The following KMT2E variants were observed in gnomAD, a reference collection of about 807,000 sequenced individuals.
The protein encoded by KMT2E is lysine methyltransferase 2E (inactive).
In KMT2E, 30 loss-of-function variants were observed where a neutral mutation model predicts 184.6. The ratio of observed to expected loss-of-function variants is 0.16; its 90% CI spans 0.12 to 0.22. The LOEUF is 0.22. Ranked by LOEUF, KMT2E falls within the 10% of genes least tolerant of loss-of-function variation. The probability of loss-of-function intolerance (pLI) is 1.00; values close to 1 mark genes in which losing one functional copy is unlikely to be tolerated. For missense variants in KMT2E, 2,023 were observed against 2,237.4 expected (o/e 0.90, Z 1.93); for synonymous variants, 815 against 776.5 (o/e 1.05, Z -0.82).
At chr7:105,099,724 C>T (rs1798576416) in intron 15 of KMT2E, among the ~76,000 whole-genome samples, 1 of 152,064 alleles carries the variant, frequency 6.6e-6, no homozygotes, top group Non-Finnish European at 1.5e-5. Flanking sequence ...TGATTTTTGC[C>T]AAGACAAGTT....
Position 105,109,050 on chromosome 7 carries a change from A to T in KMT2E, c.3577A>T (p.Ser1193Cys). ...ATCACCCCATGCAAGTGGAAGCTTG[A>T]GCAACAATGGTGATGGCTGTGCCAG... ...SVSPHASGSL[S>C]NNGDGCASSN... is the part of the protein sequence containing the mutation. Residue 1193 changes from serine (S) to cysteine (C), a missense_variant, in exon 23 of 27, where the codon AGC (serine) becomes TGC (cysteine). Physicochemically the swap from Ser to Cys is moderately radical, Grantham distance 112. Transcript: ENST00000311117. 6.2e-7 allele frequency: 1 copy of T among 1,614,216 alleles called. No individual in the cohort carries two copies. The highest frequency in any genetic ancestry group is 1.1e-5 in the South Asian group (1 of 91,084).
chr7:105,109,566 C>A (rs1283146982), intron 23 of KMT2E, among the ~76,000 whole-genome samples: 1 of 152,156 alleles, frequency 6.6e-6, no homozygotes, highest in Non-Finnish European at 1.5e-5. Flanking sequence ...GGAATAGGAG[C>A]AGCTGCATAT....
intron 13 of KMT2E, among the ~76,000 whole-genome samples, chr7:105,088,120 C>T (rs1798059381): frequency 2.0e-5 from 3 of 151,972 alleles, no homozygotes; most frequent in Admixed American, 2.0e-4. Context: ...ATTACATATC[C>T]CATAGAGGTT....
chr7:105,058,696 T>G (rs1344058461), intron 3 of KMT2E, among the ~76,000 whole-genome samples: 3 of 152,166 alleles, frequency 2.0e-5, no homozygotes, highest in Non-Finnish European at 4.4e-5. Flanking sequence ...TTATGGTGGT[T>G]TTGACCATAC....
At chr7:105,031,143 G>A (rs959882603) in intron 1 of KMT2E, among the ~76,000 whole-genome samples, 6 of 151,720 alleles carry the variant, frequency 4.0e-5, no homozygotes, top group Non-Finnish European at 8.8e-5. Flanking sequence ...GATCACTTGA[G>A]GTCAGGAGAT....
chr7:105,028,837 A>T (rs956282407), intron 1 of KMT2E, among the ~76,000 whole-genome samples: 1 of 152,102 alleles, frequency 6.6e-6, no homozygotes, highest in East Asian at 1.9e-4. Flanking sequence ...TCACATAGCT[A>T]AGGAGTGGCT....
intron 3 of KMT2E, among the ~76,000 whole-genome samples, chr7:105,059,976 T>TTG (rs1796733300): frequency 1.4e-4 from 15 of 107,342 alleles, no homozygotes; most frequent in Admixed American, 3.4e-4. Context: ...TTTCTTGTTG[T>TTG]TGTTTTTTTT....
At chr7:105,059,978 GTTTTTTTTTTTTTTTTTT>G (rs67291226) in intron 3 of KMT2E, among the ~76,000 whole-genome samples, 21 of 51,796 alleles carry the variant, frequency 4.1e-4, no homozygotes, top group Admixed American at 2.2e-3. Context: ...TCTTGTTGTT[GTTTTTTTTTTTTTTTTTT>G]TTTTTTTTTT....
chr7:105,110,409 A>T (rs1486095714), intron 24 of KMT2E, 41 bp downstream of exon 24: 1 of 1,613,744 alleles, frequency 6.2e-7, no homozygotes, highest in African/African-American at 1.3e-5. Flanking sequence ...GGAATCAGTT[A>T]ATCACTCTGC....
At chr7:105,068,108 G>T (rs1357116928) in intron 6 of KMT2E, among the ~76,000 whole-genome samples, 1 of 152,116 alleles carries the variant, frequency 6.6e-6, no homozygotes, top group African/African-American at 2.4e-5. Context: ...TACCATCCCT[G>T]GTTACCATTA....
chr7:105,111,718 GCCC>G (rs1562936168), intron 26 of KMT2E, 104 bp from the exon 27 acceptor site: 19 of 1,278,668 alleles, frequency 1.5e-5, no homozygotes, highest in Non-Finnish European at 1.9e-5. Flanking sequence ...GTTATTTCCT[GCCC>G]CCCATTAAAA....
intron 13 of KMT2E, among the ~76,000 whole-genome samples, chr7:105,083,825 C>T (rs1423519019): frequency 6.6e-6 from 1 of 152,182 alleles, no homozygotes; most frequent in Non-Finnish European, 1.5e-5. Context: ...CATCTGCTGC[C>T]TCTTATTCAG....
intron 5 of KMT2E, among the ~76,000 whole-genome samples, chr7:105,064,330 G>A (rs377200664): frequency 1.4e-4 from 22 of 151,898 alleles, no homozygotes; most frequent in South Asian, 1.0e-3. Context: ...GAAAGTTGGG[G>A]AGCTTTACAG....
chr7:105,069,473 CT>C (rs974577384), intron 6 of KMT2E, among the ~76,000 whole-genome samples: 15 of 152,160 alleles, frequency 9.9e-5, no homozygotes, highest in African/African-American at 3.1e-4. Flanking sequence ...CAGTTTAGAA[CT>C]TTCCCCCCAT....
At position 105,101,779 on chromosome 7, in the gene KMT2E, A is replaced by G. The variant is rs1171154211; in HGVS notation, c.1888-107A>G. On this transcript the variant is annotated intron_variant, in intron 16 of 26. Coordinates refer to ENST00000311117, the MANE Select transcript of KMT2E (RefSeq NM_182931.3). ...TCTCTGTTCTTTATTATATATCAGA[A>G]TTCAAAAATTCCAGAAAGTTGGCTT... 4.6e-5 allele frequency: 49 copies of G among 1,060,550 alleles called. No individual in the cohort carries two copies. In the East Asian group the frequency reaches 1.3e-3, roughly 28 times the overall value. 65.7% of individuals were successfully genotyped at this position (1,060,550 alleles called of 1,614,324 possible).
At chr7:105,079,829 C>CATTATTATT (rs111633846) in intron 12 of KMT2E, among the ~76,000 whole-genome samples, 2 of 146,690 alleles carry the variant, frequency 1.4e-5, no homozygotes, top group Non-Finnish European at 3.0e-5. Flanking sequence ...CTTTTTAAAT[C>CATTATTATT]ATTATTATTA....
In KMT2E at chr7:105,066,686, CTT is replaced by C. The variant is rs770937246; in HGVS notation, c.417-40_417-39del. 6.1e-5 allele frequency: 89 copies of C among 1,457,720 alleles called. No individual in the cohort carries two copies. The East Asian group carries it at 2.0e-3, about 33-fold the overall frequency. 90.3% of individuals were successfully genotyped at this position (1,457,720 alleles called of 1,614,324 possible). Reference sequence around the variant, plus strand: ...ATATCAAATCTTAATTTAAGGATGACTTAAATAATATTACATATGTTCTGCTT... The same window carrying C: ...ATATCAAATCTTAATTTAAGGATGACAAATAATATTACATATGTTCTGCTT... On this transcript the variant is annotated intron_variant, in intron 5 of 26. Transcript: ENST00000311117.
At chr7:105,106,250 TACAA>T (rs1798893829) in intron 19 of KMT2E, among the ~76,000 whole-genome samples, 1 of 152,194 alleles carries the variant, frequency 6.6e-6, no homozygotes, top group South Asian at 2.1e-4. Context: ...CAAGGACTCT[TACAA>T]ATCAGTTAAA....
intron 1 of KMT2E, among the ~76,000 whole-genome samples, chr7:105,021,638 G>C (rs759947182): frequency 6.6e-6 from 1 of 152,186 alleles, no homozygotes; most frequent in Non-Finnish European, 1.5e-5. Flanking sequence ...AATTATCTGA[G>C]ACTAGTTAGA....
Sources: allele counts gnomAD v4.1 joint callset (sites outside exome capture counted in the v4.1 genomes callset), GRCh38; gene constraint gnomAD v4.1.1; transcripts MANE v1.5; gene names NCBI Gene and HGNC (gene_info 2026-07-23, HGNC 2026-07-21).